The following MECOM variants were observed in gnomAD, a reference collection of about 807,000 sequenced individuals.
MECOM encodes the protein MDS1 and EVI1 complex locus.
A neutral mutation model predicts 116.3 loss-of-function variants in MECOM; 13 were observed. That is an observed-to-expected ratio of 0.11 (90% confidence interval 0.07 to 0.18). The LOEUF is 0.18. Among genes scored for constraint, MECOM ranks in the 10% least tolerant of loss-of-function variants. MECOM has a pLI of 1.00. For synonymous variants in MECOM, 528 were observed against 535.2 expected, an observed-to-expected ratio of 0.99 and a Z score of 0.19; for missense variants, 1,299 against 1,509.0, an observed-to-expected ratio of 0.86 and a Z score of 2.31.
chr3:169,553,350 AAAAT>A (rs1761632407), intron 1 of MECOM, among the ~76,000 whole-genome samples: 1 of 152,236 alleles, frequency 6.6e-6, no homozygotes, highest in Non-Finnish European at 1.5e-5. Flanking sequence ...CTAAAAAAAG[AAAAT>A]AAAGCAGGAT....
chr3:169,657,843 G>A (rs1391159913), intron 1 of MECOM, among the ~76,000 whole-genome samples: 1 of 152,230 alleles, frequency 6.6e-6, no homozygotes, highest in Non-Finnish European at 1.5e-5. Flanking sequence ...TGTATGGCTT[G>A]TAGTAAGCAA....
chr3:169,140,103 AC>A (rs1737655247), intron 3 of MECOM, among the ~76,000 whole-genome samples: 1 of 151,458 alleles, frequency 6.6e-6, no homozygotes, highest in Admixed American at 6.6e-5. Flanking sequence ...CCTCTTGAGG[AC>A]CTAGTCTGGA....
At chr3:169,404,404 T>C (rs1736338716) in intron 1 of MECOM, among the ~76,000 whole-genome samples, 1 of 150,822 alleles carries the variant, frequency 6.6e-6, no homozygotes, top group African/African-American at 2.4e-5. Context: ...ATCCAGAGAG[T>C]TAAAAAAAAA....
At chr3:169,425,754 T>C (rs1740550723) in intron 1 of MECOM, among the ~76,000 whole-genome samples, 1 of 152,150 alleles carries the variant, frequency 6.6e-6, no homozygotes, top group Admixed American at 6.6e-5. Flanking sequence ...ATGAAAAATC[T>C]AAGCAATCAA....
At chr3:169,112,567 C>T (rs1439227198) in intron 9 of MECOM, among the ~76,000 whole-genome samples, 1 of 152,094 alleles carries the variant, frequency 6.6e-6, no homozygotes, top group Admixed American at 6.6e-5. Context: ...TAATAGCAGA[C>T]AATCATTTAA....
chr3:169,654,365 T>C (rs1775273174), intron 1 of MECOM, among the ~76,000 whole-genome samples: 1 of 152,222 alleles, frequency 6.6e-6, no homozygotes, highest in Non-Finnish European at 1.5e-5. Context: ...GGAAAGCCAC[T>C]CTGCTCAAAT....
chr3:169,501,565 C>A (rs1358305255), intron 1 of MECOM, among the ~76,000 whole-genome samples: 1 of 152,008 alleles, frequency 6.6e-6, no homozygotes, highest in Admixed American at 6.6e-5. Context: ...TGTTTACATG[C>A]CATTTCTACA....
At chr3:169,407,404 A>G (rs1266982754) in intron 1 of MECOM, among the ~76,000 whole-genome samples, 1 of 152,244 alleles carries the variant, frequency 6.6e-6, no homozygotes, top group African/African-American at 2.4e-5. Flanking sequence ...CTTCATGAAA[A>G]TTTAGAGAAA....
chr3:169,144,089 T>C lies in MECOM; in HGVS notation c.376-257A>G, dbSNP rs191104152. The stretch of plus-strand genomic sequence containing the variant: ...TTGGTTTCAAAAATGCTTATTTTCA[T>C]ATGCATAAATTAGTGCTAATTTTAT... On this transcript the variant is annotated intron_variant, in intron 2 of 16. Coordinates refer to ENST00000651503, the MANE Select transcript of MECOM (RefSeq NM_004991.4). 2.1e-4 allele frequency among the ~76,000 whole-genome samples: 32 copies of C among 152,312 alleles called. No homozygotes were observed. The East Asian group carries it at 6.2e-3, about 29-fold the overall frequency.
At chr3:169,565,582 C>T (rs1763141371) in intron 1 of MECOM, among the ~76,000 whole-genome samples, 1 of 152,182 alleles carries the variant, frequency 6.6e-6, no homozygotes, top group Admixed American at 6.5e-5. Flanking sequence ...GCCATGGCTT[C>T]CATCCTTTAG....
intron 14 of MECOM, among the ~76,000 whole-genome samples, chr3:169,092,475 A>G (rs142703584): frequency 6.5e-4 from 99 of 152,136 alleles, no homozygotes; most frequent in African/African-American, 2.4e-3. Context: ...AGGTATATAG[A>G]ATCATATATT....
In MECOM at chr3:169,401,895, A is replaced by G. The variant is rs16853657; in HGVS notation, c.38-20371T>C. The stretch of plus-strand genomic sequence containing the variant: ...TCCAAACAATCAAAGGATTCATGCC[A>G]TACCCTAGAGCTTGGCCTTCCTCCT... On this transcript the variant is annotated intron_variant, in intron 1 of 16. Transcript: ENST00000651503. Among the ~76,000 whole-genome samples the G allele has an allele frequency of 8.3e-3, 1,261 of 152,338 alleles. 17 individuals carry two copies. Among genetic ancestry groups the G allele is most frequent in the African/African-American group, 0.029 (1,211 of 41,578 alleles).
At chr3:169,416,833 A>C (rs6444851) in intron 1 of MECOM, among the ~76,000 whole-genome samples, 100,798 of 151,938 alleles carry the variant, frequency 0.66, 35,217 homozygotes, top group East Asian at 0.9. Context: ...CTTTGACAAA[A>C]CTGACAAAAA....
intron 1 of MECOM, among the ~76,000 whole-genome samples, chr3:169,382,596 T>A (rs1732589537): frequency 6.6e-6 from 1 of 152,060 alleles, no homozygotes; most frequent in South Asian, 2.1e-4. Flanking sequence ...AAGTCATACC[T>A]GATTTGTTTG....
chr3:169,468,168 G>A (rs1578181910), intron 1 of MECOM, among the ~76,000 whole-genome samples: 1 of 150,666 alleles, frequency 6.6e-6, no homozygotes, highest in African/African-American at 2.4e-5. Context: ...ACTCTCCCAG[G>A]GTTCCCTACA....
rs555179041 is a variant in MECOM, at chr3:169,102,520, A to G, written c.2605-294T>C. On this transcript the variant is annotated intron_variant, in intron 10 of 16. Transcript: ENST00000651503. ...AACATTGAAATACATAAGAGAGCCAATAAAGCCAAGTTAACTTTTTATTTG... is the reference window on the plus strand; with the variant it reads ...AACATTGAAATACATAAGAGAGCCAGTAAAGCCAAGTTAACTTTTTATTTG... Among the ~76,000 whole-genome samples, 208 of 152,348 alleles carry G rather than the reference A, an allele frequency of 1.4e-3. 2 individuals carry two copies. The highest frequency in any genetic ancestry group is 4.6e-3 in the African/African-American group (192 of 41,590).
chr3:169,473,319 G>A lies in MECOM; in HGVS notation c.38-91795C>T, dbSNP rs907222171. ...ACAGGCTAGCCAAAAACACAAGAGC[G>A]AATATATGAGGTTCCCAGCCACTGA... On this transcript the variant is annotated intron_variant, in intron 1 of 16. Coordinates refer to ENST00000651503, the MANE Select transcript of MECOM (RefSeq NM_004991.4). Among the ~76,000 whole-genome samples the A allele has an allele frequency of 1.2e-4, 18 of 152,058 alleles. No individual in the cohort carries two copies. In the South Asian group the frequency reaches 1.2e-3, roughly 11 times the overall value.
At chr3:169,174,692 C>T (rs1200280367) in intron 2 of MECOM, among the ~76,000 whole-genome samples, 6 of 152,124 alleles carry the variant, frequency 3.9e-5, no homozygotes, top group Non-Finnish European at 5.9e-5. Context: ...AAAATAGCAT[C>T]CACCTGAAAG....
chr3:169,259,973 T>C (rs1285084764), intron 2 of MECOM, among the ~76,000 whole-genome samples: 1 of 152,202 alleles, frequency 6.6e-6, no homozygotes, highest in African/African-American at 2.4e-5. Context: ...CAAAATGGGT[T>C]CTTATGAAGG....
Sources: allele counts gnomAD v4.1 joint callset (sites outside exome capture counted in the v4.1 genomes callset), GRCh38; gene constraint gnomAD v4.1.1; transcripts MANE v1.5; gene names NCBI Gene and HGNC (gene_info 2026-07-23, HGNC 2026-07-21).